The following KCNIP3 variants were observed in gnomAD, a reference collection of about 807,000 sequenced individuals.
The protein encoded by KCNIP3 is potassium voltage-gated channel interacting protein 3, also known as calsenilin.
KCNIP3 carries 28 observed loss-of-function variants against 35.0 expected under a neutral mutation model. That is an observed-to-expected ratio of 0.80 (90% CI 0.59 to 1.10). KCNIP3 has a LOEUF of 1.10. Among genes scored for constraint, KCNIP3 ranks in the 50% least tolerant of loss-of-function variants. The pLI is 0.00. For missense variants in KCNIP3, 295 were observed against 338.4 expected (o/e 0.87, Z 1.01); for synonymous variants, 134 against 133.8 (o/e 1.00, Z -0.01).
intron 5 of KCNIP3, among the ~76,000 whole-genome samples, chr2:95,380,454 C>T (rs1680308650): frequency 2.6e-5 from 4 of 152,204 alleles, no homozygotes; most frequent in Admixed American, 2.6e-4. Flanking sequence ...CTCTGACCGT[C>T]CTCTGTCCCA....
chr2:95,340,388 AAGC>A (rs988583769), intron 2 of KCNIP3, among the ~76,000 whole-genome samples: 12 of 152,202 alleles, frequency 7.9e-5, no homozygotes, highest in African/African-American at 2.7e-4. Context: ...TCCATCCCCA[AAGC>A]AGCATTCATA....
At chr2:95,301,852 C>CTGTGTG (rs141927142) in intron 1 of KCNIP3, among the ~76,000 whole-genome samples, 2 of 149,198 alleles carry the variant, frequency 1.3e-5, no homozygotes, top group Admixed American at 1.3e-4. Context: ...GGGCCCAGGG[C>CTGTGTG]TGTGTGTGTG....
chr2:95,344,703 T>A (rs748174162), intron 2 of KCNIP3, among the ~76,000 whole-genome samples: 13 of 152,344 alleles, frequency 8.5e-5, no homozygotes, highest in Non-Finnish European at 1.8e-4. Context: ...CGTGCCACCC[T>A]GTGAAGCTGG....
chr2:95,354,319 G>A (rs937465861), intron 2 of KCNIP3, among the ~76,000 whole-genome samples: 1 of 152,222 alleles, frequency 6.6e-6, no homozygotes, highest in African/African-American at 2.4e-5. Context: ...GGCAAGCATC[G>A]GGTGTTCAGT....
rs58903840 is a variant in KCNIP3 at position 95,384,169 on chromosome 2, TACACACACACAC to T, written c.*146_*157del. 7.2e-5 allele frequency: 37 copies of T among 513,306 alleles called. No homozygotes were observed. The highest frequency in any genetic ancestry group is 1.4e-4 in the East Asian group (4 of 29,522). 31.8% of individuals were successfully genotyped at this position (513,306 alleles called of 1,614,324 possible). ...GATTTGCAAAAAGTGAACAGATTGCTACACACACACACACACACACACACACACACACACACA... is the reference window on the plus strand; with the variant it reads ...GATTTGCAAAAAGTGAACAGATTGCTACACACACACACACACACACACACA... On this transcript the variant is annotated 3_prime_UTR_variant, in exon 9 of 9. Coordinates refer to ENST00000295225, the MANE Select transcript of KCNIP3 (RefSeq NM_013434.5).
At chr2:95,328,321 C>A (rs1048884975) in intron 2 of KCNIP3, among the ~76,000 whole-genome samples, 1 of 152,108 alleles carries the variant, frequency 6.6e-6, no homozygotes, top group Non-Finnish European at 1.5e-5. Context: ...TGTCTGAGGT[C>A]GTTTAGGTCT....
Position 95,383,361 on chromosome 2 carries a change from C to T in KCNIP3, c.723+67C>T, listed in dbSNP as rs370763252. On this transcript the variant is annotated intron_variant, in intron 8 of 8. Coordinates refer to ENST00000295225, the MANE Select transcript of KCNIP3 (RefSeq NM_013434.5). ...CTACACGGAGGTGGGTGGTTGGCAG[C>T]GTCTGCCCCTTCCCTCACCCCAGTC... 165 of 1,497,044 alleles carry T rather than the reference C, an allele frequency of 1.1e-4. 1 individual carries two copies. In the South Asian group the frequency reaches 1.2e-3, roughly 11 times the overall value. The allele number at this position is 1,497,044 out of a possible 1,614,324, so 92.7% of individuals were successfully genotyped here.
At chr2:95,379,578 T>C (rs1450205969) in intron 5 of KCNIP3, among the ~76,000 whole-genome samples, 1 of 152,268 alleles carries the variant, frequency 6.6e-6, no homozygotes, top group African/African-American at 2.4e-5. Context: ...ACTGCCCAGC[T>C]GCTTCCTATA....
intron 2 of KCNIP3, among the ~76,000 whole-genome samples, chr2:95,329,715 T>C (rs1678879460): frequency 6.6e-6 from 1 of 152,238 alleles, no homozygotes; most frequent in South Asian, 2.1e-4. Context: ...CATGGACCCC[T>C]GCGTCAGGTT....
At chr2:95,346,662 G>A (rs1331373534) in intron 2 of KCNIP3, 1 of 145,952 alleles carries the variant, frequency 6.9e-6, no homozygotes, top group Non-Finnish European at 1.5e-5. Context: ...GGCGACAGAG[G>A]CGCAGCGCCC....
chr2:95,325,952 C>T (rs1678757908), intron 2 of KCNIP3, among the ~76,000 whole-genome samples: 1 of 151,258 alleles, frequency 6.6e-6, no homozygotes, highest in African/African-American at 2.4e-5. Context: ...CACACTCACA[C>T]ATACACACAC....
In KCNIP3 at chr2:95,384,002, G is replaced by T. The variant is rs774875757; in HGVS notation, c.724G>T (p.Asp242Tyr). Residue 242 changes from aspartate to tyrosine, a missense_variant and splice_region_variant, in exon 9 of 9, where the codon GAT (aspartate) becomes TAT (tyrosine). By Grantham distance (160) the Asp-to-Tyr change is radical. Transcript: ENST00000295225. Reference protein sequence around the residue: ...IEEFLEACQKDENIMSSMQLF... With the variant: ...IEEFLEACQKYENIMSSMQLF... ...GGCCTCCCTTCCTCTCTCCATGCAG[G>T]ATGAGAACATCATGAGCTCCATGCA... 3 of 1,613,824 alleles carry T rather than the reference G, an allele frequency of 1.9e-6. No individual in the cohort carries two copies. The highest frequency in any genetic ancestry group is 2.5e-6 in the Non-Finnish European group (3 of 1,179,958).
At chr2:95,345,795 C>G (rs996815546) in intron 2 of KCNIP3, among the ~76,000 whole-genome samples, 2 of 152,262 alleles carry the variant, frequency 1.3e-5, no homozygotes, top group Non-Finnish European at 2.9e-5. Context: ...GCCTCGTCCT[C>G]CCCTATTTTC....
chr2:95,359,508 C>T (rs889903325), intron 2 of KCNIP3, among the ~76,000 whole-genome samples: 8 of 152,176 alleles, frequency 5.3e-5, no homozygotes, highest in African/African-American at 1.2e-4. Flanking sequence ...TTGGTGGGCT[C>T]GGCAGCCACA....
intron 2 of KCNIP3, among the ~76,000 whole-genome samples, chr2:95,320,961 C>T (rs1678580690): frequency 1.5e-5 from 2 of 132,284 alleles, no homozygotes; most frequent in South Asian, 5.3e-4. Context: ...CCACCCCTCC[C>T]CAGCCTCTCC....
chr2:95,307,496 T>C (rs1406064074), intron 1 of KCNIP3, among the ~76,000 whole-genome samples: 1 of 152,210 alleles, frequency 6.6e-6, no homozygotes, highest in Non-Finnish European at 1.5e-5. Context: ...ATGGGGATCG[T>C]CTTACCGATT....
chr2:95,320,426 T>G (rs1233201047), intron 2 of KCNIP3, among the ~76,000 whole-genome samples: 1 of 152,006 alleles, frequency 6.6e-6, no homozygotes, highest in Non-Finnish European at 1.5e-5. Context: ...AGGCAGGGTG[T>G]GGTGGGGTGT....
At chr2:95,369,376 A>G (rs1004993568) in intron 2 of KCNIP3, among the ~76,000 whole-genome samples, 3 of 152,158 alleles carry the variant, frequency 2.0e-5, no homozygotes, top group Non-Finnish European at 2.9e-5. Flanking sequence ...TTTGTTGAGA[A>G]ATTTCACACC....
At chr2:95,347,530 T>C (rs918951601) in intron 2 of KCNIP3, among the ~76,000 whole-genome samples, 1 of 152,208 alleles carries the variant, frequency 6.6e-6, no homozygotes, top group African/African-American at 2.4e-5. Context: ...GCCTCTGCCC[T>C]GTGATGGGGC....
Sources: gnomAD v4.1 joint callset for allele counts (sites outside exome capture counted in the v4.1 genomes callset) on GRCh38, gnomAD v4.1.1 for gene constraint, MANE v1.5 for transcripts, NCBI Gene and HGNC (gene_info 2026-07-23, HGNC 2026-07-21) for gene names.